The following TSPAN18 variants were observed in gnomAD, a reference collection of about 807,000 sequenced individuals.
TSPAN18 encodes the protein tetraspanin-18.
Under a neutral mutation model 27.3 loss-of-function variants are expected in TSPAN18, and 14 were observed. The ratio of observed to expected loss-of-function variants is 0.51; its 90% CI spans 0.34 to 0.80. TSPAN18 has a LOEUF of 0.80. Among genes scored for constraint, TSPAN18 ranks in the 30% least tolerant of loss-of-function variants. The pLI is 0.01. For missense variants in TSPAN18, 268 were observed against 323.9 expected (o/e 0.83, Z 1.32); for synonymous variants, 143 against 136.5 (o/e 1.05, Z -0.33).
chr11:44,794,292 G>T (rs1471539521), intron 2 of TSPAN18, among the ~76,000 whole-genome samples: 1 of 152,170 alleles, frequency 6.6e-6, no homozygotes, highest in Non-Finnish European at 1.5e-5. Flanking sequence ...AGAACCTGGA[G>T]CTTCACACAT....
intron 3 of TSPAN18, chr11:44,903,990 A>G (rs1281085519): frequency 2.5e-6 from 1 of 403,102 alleles, no homozygotes; most frequent in African/African-American, 2.1e-5. Context: ...AATGCTCAAT[A>G]AATAGTATTA....
intron 2 of TSPAN18, among the ~76,000 whole-genome samples, chr11:44,859,029 G>A (rs1266625528): frequency 6.6e-6 from 1 of 152,160 alleles, no homozygotes; most frequent in Non-Finnish European, 1.5e-5. Flanking sequence ...CTTGCAGAGC[G>A]CTAATGACAT....
At position 44,903,788 on chromosome 11, in the gene TSPAN18, GT is replaced by G. The variant is rs760864513; in HGVS notation, c.-10-2618del. 32 of 438,246 alleles carry G rather than the reference GT, an allele frequency of 7.3e-5. 1 individual carries two copies. Among genetic ancestry groups the G allele is most frequent in the South Asian group, 5.0e-4 (32 of 64,068 alleles). The allele number at this position is 438,246 out of a possible 1,614,324, so 27.1% of individuals were successfully genotyped here. On this transcript the variant is annotated intron_variant, in intron 3 of 9. Transcript: ENST00000520358. The stretch of plus-strand genomic sequence containing the variant: ...CCCCATCACACACACACCATCCTTT[GT>G]CCTTCCAAGCTGGATTGCCTGGGTT...
chr11:44,813,046 G>A (rs893672252), intron 2 of TSPAN18, among the ~76,000 whole-genome samples: 10 of 152,196 alleles, frequency 6.6e-5, no homozygotes, highest in African/African-American at 2.4e-4. Context: ...CAGCCTGCTG[G>A]CCGTCTCTCT....
intron 2 of TSPAN18, among the ~76,000 whole-genome samples, chr11:44,856,007 C>G (rs973880509): frequency 1.3e-5 from 2 of 151,830 alleles, no homozygotes; most frequent in Non-Finnish European, 2.9e-5. Flanking sequence ...CTCAGCCTCC[C>G]GAGTAGCTGG....
chr11:44,872,130 C>T (rs569128312), intron 3 of TSPAN18, among the ~76,000 whole-genome samples: 2 of 152,170 alleles, frequency 1.3e-5, no homozygotes, highest in Non-Finnish European at 2.9e-5. Context: ...AGGGTTTCGC[C>T]ATGTTGTCCA....
At chr11:44,784,617 C>T (rs188969788) in intron 2 of TSPAN18, among the ~76,000 whole-genome samples, 4 of 152,294 alleles carry the variant, frequency 2.6e-5, no homozygotes, top group East Asian at 1.9e-4. Flanking sequence ...GTCTCCATCC[C>T]GGGACAGAAG....
chr11:44,730,344 C>T (rs1216016564), intron 1 of TSPAN18, among the ~76,000 whole-genome samples: 1 of 152,176 alleles, frequency 6.6e-6, no homozygotes, highest in East Asian at 1.9e-4. Flanking sequence ...TTAGGGACCT[C>T]TCCCTTTCCA....
intron 1 of TSPAN18, among the ~76,000 whole-genome samples, chr11:44,749,632 CTTTTTTTT>C (rs71894571): frequency 9.1e-6 from 1 of 110,448 alleles, no homozygotes; most frequent in African/African-American, 3.8e-5. Flanking sequence ...GTGGAACTTT[CTTTTTTTT>C]TTTTTTTTTT....
At chr11:44,919,640 A>G in intron 7 of TSPAN18, 177 bp from the exon 8 acceptor site, 2 of 679,740 alleles carry the variant, frequency 2.9e-6, no homozygotes, top group Non-Finnish European at 5.2e-6. Context: ...AGATGAGGAC[A>G]CTGAAGGCCC....
At chr11:44,875,236 G>A (rs11038183) in intron 3 of TSPAN18, among the ~76,000 whole-genome samples, 34,424 of 152,230 alleles carry the variant, frequency 0.23, 4,099 homozygotes, top group South Asian at 0.31. Context: ...CAGAGAGCTG[G>A]TGTCCCCAAC....
intron 3 of TSPAN18, among the ~76,000 whole-genome samples, chr11:44,893,518 A>G (rs1858927975): frequency 6.6e-6 from 1 of 152,168 alleles, no homozygotes; most frequent in Non-Finnish European, 1.5e-5. Context: ...GTGAGCAAAT[A>G]AGTCCTCCCC....
At chr11:44,868,691 C>A (rs1565184381) in intron 3 of TSPAN18, among the ~76,000 whole-genome samples, 1 of 152,326 alleles carries the variant, frequency 6.6e-6, no homozygotes, top group East Asian at 1.9e-4. Context: ...CAGCCACTGG[C>A]CGGGAGGAGA....
At chr11:44,855,167 T>G (rs1164570208) in intron 2 of TSPAN18, among the ~76,000 whole-genome samples, 1 of 152,196 alleles carries the variant, frequency 6.6e-6, no homozygotes, top group Non-Finnish European at 1.5e-5. Flanking sequence ...TTTCATTAAC[T>G]TAACTCATTT....
chr11:44,757,640 C>T (rs568136652), intron 1 of TSPAN18, among the ~76,000 whole-genome samples: 1 of 152,324 alleles, frequency 6.6e-6, no homozygotes, highest in African/African-American at 2.4e-5. Flanking sequence ...CCATCTCTTC[C>T]TCCCAAAGTG....
chr11:44,923,169 G>T (rs1860208174), intron 8 of TSPAN18, among the ~76,000 whole-genome samples: 2 of 152,176 alleles, frequency 1.3e-5, no homozygotes, highest in South Asian at 4.1e-4. Flanking sequence ...TGGGCAGCTG[G>T]GTGTATGGGG....
At chr11:44,823,585 G>A (rs1314263725) in intron 2 of TSPAN18, among the ~76,000 whole-genome samples, 1 of 152,170 alleles carries the variant, frequency 6.6e-6, no homozygotes, top group African/African-American at 2.4e-5. Flanking sequence ...TAGGTTAAGG[G>A]TGGGGATCAA....
chr11:44,763,060 GTTAT>G (rs1262039728), intron 1 of TSPAN18, among the ~76,000 whole-genome samples: 2 of 152,220 alleles, frequency 1.3e-5, no homozygotes, highest in Non-Finnish European at 2.9e-5. Flanking sequence ...CCTTGGGCAA[GTTAT>G]TTAACTCCTC....
chr11:44,839,813 G>A (rs768859408), intron 2 of TSPAN18, among the ~76,000 whole-genome samples: 3 of 152,180 alleles, frequency 2.0e-5, no homozygotes, highest in South Asian at 4.1e-4. Flanking sequence ...GCCAGTGGCT[G>A]TAGGCCTAGG....
Sources: allele counts gnomAD v4.1 joint callset (sites outside exome capture counted in the v4.1 genomes callset), GRCh38; gene constraint gnomAD v4.1.1; transcripts MANE v1.5; gene names NCBI Gene and HGNC (gene_info 2026-07-23, HGNC 2026-07-21).